EPS15L1: variants seen among roughly 807,000 people sequenced by gnomAD.
The protein encoded by EPS15L1 is epidermal growth factor receptor pathway substrate 15 like 1.
In EPS15L1, 43 loss-of-function variants were observed where a neutral mutation model predicts 117.1. The observed-to-expected ratio is 0.37, with a 90% CI of 0.29 to 0.47. EPS15L1 has a LOEUF of 0.47. Among genes scored for constraint, EPS15L1 ranks in the 20% least tolerant of loss-of-function variants. EPS15L1 has a pLI of 0.99. For missense variants in EPS15L1, 981 were observed against 1,164.0 expected, an observed-to-expected ratio of 0.84 and a Z score of 2.29; for synonymous variants, 459 against 470.5, an observed-to-expected ratio of 0.98 and a Z score of 0.32.
At chr19:16,418,412 G>A (rs1330048054) in intron 10 of EPS15L1, among the ~76,000 whole-genome samples, 1 of 152,224 alleles carries the variant, frequency 6.6e-6, no homozygotes, top group Non-Finnish European at 1.5e-5. Context: ...CTCTTCCTTT[G>A]GCTTATCTCG....
chr19:16,463,552 G>C (rs766700835), intron 1 of EPS15L1, among the ~76,000 whole-genome samples: 3 of 152,122 alleles, frequency 2.0e-5, no homozygotes, highest in African/African-American at 7.2e-5. Context: ...ACCTGCCATA[G>C]CTCCCTACTG....
chr19:16,401,999 G>C (rs1033867680), intron 16 of EPS15L1: 5 of 1,096,770 alleles, frequency 4.6e-6, no homozygotes, highest in Non-Finnish European at 5.6e-6. Context: ...ATCCAATTTT[G>C]GTTAAGTTTG....
chr19:16,405,778 C>T lies in EPS15L1; in HGVS notation c.1267-1029G>A, dbSNP rs757282944. ...TCCAGGAGCTCATGAACAGCACCTC[C>T]GGGGATGGGGACACCCAAGAAGAGG... On this transcript the variant is annotated intron_variant, in intron 13 of 23. Coordinates refer to ENST00000455140, the MANE Select transcript of EPS15L1 (RefSeq NM_001258374.3). This position sits in a 1 kb window ranked among gnomAD's most constrained non-coding sequence, Gnocchi z 4.0. Among the ~76,000 whole-genome samples, 20 of 152,320 alleles carry T rather than the reference C, an allele frequency of 1.3e-4. No homozygotes were observed. The East Asian group carries it at 2.1e-3, about 16-fold the overall frequency.
rs2092603461 is a variant in EPS15L1 at position 16,401,726 on chromosome 19, G to A, written c.1791+595C>T. 19 of 985,388 alleles carry A rather than the reference G, an allele frequency of 1.9e-5. No individual in the cohort carries two copies. The South Asian group carries it at 8.9e-4, about 46-fold the overall frequency. 61.0% of individuals were successfully genotyped at this position (985,388 alleles called of 1,614,324 possible). A position where few individuals can be genotyped will look rare whatever the true frequency, so the allele number is the denominator to read the frequency against. ...AGGGGCCGACAGTCCCCTGCCCCAG[G>A]CCTGATCACAACTCCAGGGTCATGA... On this transcript the variant is annotated intron_variant, in intron 16 of 23. Coordinates refer to ENST00000455140, the MANE Select transcript of EPS15L1 (RefSeq NM_001258374.3).
chr19:16,450,737 C>A (rs1366351885), intron 1 of EPS15L1, among the ~76,000 whole-genome samples: 1 of 152,006 alleles, frequency 6.6e-6, no homozygotes, highest in Non-Finnish European at 1.5e-5. Flanking sequence ...CCCGCCTCAG[C>A]CTCCCAAAGT....
intron 16 of EPS15L1, among the ~76,000 whole-genome samples, chr19:16,397,901 G>A (rs1162260495): frequency 6.6e-6 from 1 of 152,020 alleles, no homozygotes; most frequent in Non-Finnish European, 1.5e-5. Context: ...GTTTCACTGT[G>A]ATATTAAAAA....
At chr19:16,408,340 G>A (rs1168971339) in intron 13 of EPS15L1, among the ~76,000 whole-genome samples, 3 of 152,074 alleles carry the variant, frequency 2.0e-5, no homozygotes, top group Non-Finnish European at 4.4e-5. Context: ...AAATTCATAT[G>A]GGGCCAGGCA....
chr19:16,446,354 A>G (rs2093083550), intron 1 of EPS15L1, among the ~76,000 whole-genome samples: 1 of 152,130 alleles, frequency 6.6e-6, no homozygotes, highest in South Asian at 2.1e-4. Flanking sequence ...CTCCTGCCCA[A>G]ACTCTCACTC....
intron 7 of EPS15L1, among the ~76,000 whole-genome samples, chr19:16,430,615 CT>C (rs1425850986): frequency 1.3e-5 from 2 of 152,200 alleles, no homozygotes; most frequent in Non-Finnish European, 2.9e-5. Context: ...ACTTATTTGA[CT>C]TCTTTGACGG....
intron 20 of EPS15L1, among the ~76,000 whole-genome samples, chr19:16,385,645 C>T (rs1014820136): frequency 1.1e-4 from 17 of 152,164 alleles, no homozygotes; most frequent in African/African-American, 4.1e-4. Context: ...TGGATACACT[C>T]GCCTATGATA....
At chr19:16,432,943 TAC>T (rs2092943662) in intron 7 of EPS15L1, among the ~76,000 whole-genome samples, 2 of 151,844 alleles carry the variant, frequency 1.3e-5, no homozygotes, top group Non-Finnish European at 2.9e-5. Context: ...TAGCTGGGAC[TAC>T]AGTCACGCAC....
intron 22 of EPS15L1, among the ~76,000 whole-genome samples, chr19:16,367,642 T>C (rs930894379): frequency 6.6e-5 from 10 of 151,370 alleles, no homozygotes; most frequent in African/African-American, 2.4e-4. Flanking sequence ...TGGGGCTGGC[T>C]CTGCTGCACT....
At position 16,390,928 on chromosome 19, in the gene EPS15L1, T is replaced by C. The variant is rs867252427; in HGVS notation, c.2103+1376A>G. Among the ~76,000 whole-genome samples the C allele has an allele frequency of 1.2e-4, 18 of 152,322 alleles. 1 individual carries two copies. The South Asian group carries it at 1.2e-3, about 11-fold the overall frequency. On this transcript the variant is annotated intron_variant, in intron 19 of 23. Coordinates refer to ENST00000455140, the MANE Select transcript of EPS15L1 (RefSeq NM_001258374.3). ...TGGGGTTACATCCTGATAAACCCAT[T>C]GTAAGTTGAAAATATTTTAAGTTGA...
In EPS15L1 at chr19:16,402,370, T is replaced by C; in HGVS notation, c.1742A>G (p.Asn581Ser). ...TGCCAGGGAGACGCCTTCGCTCAGG[T>C]TGGCCAGGTCGGTCAGGCTGGCACC... ...AHGASLTDLA[N>S]LSEGVSLAER... is the part of the protein sequence containing the mutation. The change falls in exon 16 of 24, where the codon AAC becomes AGC. Residue 581 changes from asparagine to serine, a missense_variant. Asn to Ser is a conservative substitution (Grantham distance 46). Coordinates refer to ENST00000455140, the MANE Select transcript of EPS15L1 (RefSeq NM_001258374.3). 1 of 1,614,134 alleles carries C rather than the reference T, an allele frequency of 6.2e-7. No individual in the cohort carries two copies. Among genetic ancestry groups the C allele is most frequent in the Non-Finnish European group, 8.5e-7 (1 of 1,179,994 alleles).
chr19:16,403,902 G>A lies in EPS15L1; in HGVS notation c.1457C>T (p.Ser486Phe), dbSNP rs1212282399. Residue 486 changes from serine to phenylalanine, a missense_variant, in exon 15 of 24, where the codon TCT (serine) becomes TTT (phenylalanine). Coordinates refer to ENST00000455140, the MANE Select transcript of EPS15L1 (RefSeq NM_001258374.3). ...MISSLKTQIQ[S>F]QESDLKSQED... The stretch of plus-strand genomic sequence containing the variant: ...CTGGGACTTTAAGTCAGATTCCTGA[G>A]ATTGGATTTGCGTTTTCAGTGATGA... 3 of 1,614,084 alleles carry A rather than the reference G, an allele frequency of 1.9e-6. No individual in the cohort carries two copies. The highest frequency in any genetic ancestry group is 2.5e-6 in the Non-Finnish European group (3 of 1,179,996).
chr19:16,421,173 T>C lies in EPS15L1; in HGVS notation c.950+146A>G, dbSNP rs1024831164. The C allele has an allele frequency of 3.0e-5, 27 of 890,918 alleles. No homozygotes were observed. In the African/African-American group the frequency reaches 4.1e-4, roughly 13 times the overall value. The allele number at this position is 890,918 out of a possible 1,614,324, so 55.2% of individuals were successfully genotyped here. A position where few individuals can be genotyped will look rare whatever the true frequency, so the allele number is the denominator to read the frequency against. ...GCACGTGCACCTTGCTCAGCCTCTG[T>C]CAGGCCAGGGAGAATAAAGGACGCC... is the stretch of plus-strand genomic sequence containing the variant. On this transcript the variant is annotated intron_variant, in intron 10 of 23. Transcript: ENST00000455140.
intron 23 of EPS15L1, among the ~76,000 whole-genome samples, chr19:16,358,641 G>A (rs777091971): frequency 1.3e-5 from 2 of 151,954 alleles, no homozygotes; most frequent in Non-Finnish European, 1.5e-5. Context: ...TTGGAAATCC[G>A]CAGTTTAGAC....
intron 1 of EPS15L1, among the ~76,000 whole-genome samples, chr19:16,449,577 T>A (rs1346701774): frequency 6.6e-6 from 1 of 151,838 alleles, no homozygotes; most frequent in Non-Finnish European, 1.5e-5. Context: ...TGGCAGTTTC[T>A]TAAAACAACA....
chr19:16,428,554 A>G, intron 8 of EPS15L1, 148 bp downstream of exon 8: 1 of 473,044 alleles, frequency 2.1e-6, no homozygotes. Context: ...ACAGAAAAGA[A>G]AGGAAAAGAA....
Sources: gnomAD v4.1 joint callset for allele counts (sites outside exome capture counted in the v4.1 genomes callset) on GRCh38, gnomAD v4.1.1 for gene constraint, Gnocchi (gnomAD v3.1) non-coding constraint, MANE v1.5 for transcripts, NCBI Gene and HGNC (gene_info 2026-07-23, HGNC 2026-07-21) for gene names.